HACD2: variants seen among roughly 807,000 people sequenced by gnomAD.
HACD2 encodes very-long-chain (3R)-3-hydroxyacyl-CoA dehydratase 2.
HACD2 carries 15 observed loss-of-function variants against 31.0 expected under a neutral mutation model. The observed-to-expected ratio is 0.48, with a 90% CI of 0.32 to 0.75. HACD2 has a LOEUF of 0.75. Ranked by LOEUF, HACD2 falls within the 30% of genes least tolerant of loss-of-function variation. HACD2 has a pLI of 0.03. For missense variants in HACD2, 283 were observed against 313.0 expected (o/e 0.90, Z 0.72); for synonymous variants, 115 against 122.2 (o/e 0.94, Z 0.39).
At chr3:123,516,965 G>A (rs1018736713) in intron 4 of HACD2, among the ~76,000 whole-genome samples, 6 of 152,196 alleles carry the variant, frequency 3.9e-5, no homozygotes, top group African/African-American at 1.2e-4. Context: ...CATGTCCTGA[G>A]GCAAGTTACT....
chr3:123,498,280 A>G (rs1422357978), intron 6 of HACD2, among the ~76,000 whole-genome samples: 1 of 152,252 alleles, frequency 6.6e-6, no homozygotes, highest in Non-Finnish European at 1.5e-5. Context: ...CTGCCTTAGA[A>G]AAAGAAATTA....
At position 123,540,993 on chromosome 3, in the gene HACD2, G is replaced by A. The variant is rs576121201; in HGVS notation, c.293-12519C>T. On this transcript the variant is annotated intron_variant, in intron 3 of 6. Transcript: ENST00000383657. ...CTTTTTCAAAAAGCTAAACCCAGCC[G>A]GGCACGATGGCTCATGTCTATAATC... Among the ~76,000 whole-genome samples, 51 of 152,060 alleles carry A rather than the reference G, an allele frequency of 3.4e-4. 1 individual carries two copies. In the South Asian group the frequency reaches 7.3e-3, roughly 22 times the overall value.
At chr3:123,501,877 G>C (rs574173563) in intron 5 of HACD2, among the ~76,000 whole-genome samples, 11 of 152,288 alleles carry the variant, frequency 7.2e-5, no homozygotes, top group African/African-American at 2.4e-4. Flanking sequence ...AAACACTCTA[G>C]GAACCACTGC....
At chr3:123,580,403 G>C (rs1239532647) in intron 2 of HACD2, among the ~76,000 whole-genome samples, 3 of 151,988 alleles carry the variant, frequency 2.0e-5, no homozygotes, top group African/African-American at 7.2e-5. Context: ...TGGGGCCTGG[G>C]AAGTCAAGGC....
At chr3:123,552,935 G>A (rs1225999639) in intron 3 of HACD2, among the ~76,000 whole-genome samples, 4 of 152,092 alleles carry the variant, frequency 2.6e-5, no homozygotes, top group Non-Finnish European at 4.4e-5. Context: ...GCAAAGAAGA[G>A]GGATCAGAGT....
At chr3:123,519,061 T>G (rs2107697504) in intron 4 of HACD2, among the ~76,000 whole-genome samples, 1 of 148,812 alleles carries the variant, frequency 6.7e-6, no homozygotes, top group East Asian at 2.0e-4. Flanking sequence ...TGCCAAAACC[T>G]GTCCTGCTAA....
intron 4 of HACD2, among the ~76,000 whole-genome samples, chr3:123,521,149 G>T (rs375263118): frequency 1.3e-5 from 2 of 152,214 alleles, no homozygotes; most frequent in African/African-American, 4.8e-5. Flanking sequence ...CAACAAGCTT[G>T]TCAAAAATTT....
intron 4 of HACD2, among the ~76,000 whole-genome samples, chr3:123,515,353 T>C (rs200529402): frequency 6.6e-6 from 1 of 152,204 alleles, no homozygotes; most frequent in East Asian, 1.9e-4. Flanking sequence ...CCTTTTCTCA[T>C]GTGTCTTACT....
At chr3:123,567,049 G>A (rs1166600345) in intron 3 of HACD2, among the ~76,000 whole-genome samples, 1 of 152,158 alleles carries the variant, frequency 6.6e-6, no homozygotes, top group Non-Finnish European at 1.5e-5. Context: ...GACTTTCAGT[G>A]CTTCTAAGTA....
intron 3 of HACD2, among the ~76,000 whole-genome samples, chr3:123,544,844 C>G (rs1046125374): frequency 6.6e-6 from 1 of 151,734 alleles, no homozygotes; most frequent in African/African-American, 2.4e-5. Context: ...GTAACACAGG[C>G]AGGAGGAATG....
At chr3:123,536,242 T>C (rs1303662583) in intron 3 of HACD2, among the ~76,000 whole-genome samples, 1 of 152,184 alleles carries the variant, frequency 6.6e-6, no homozygotes, top group Non-Finnish European at 1.5e-5. Flanking sequence ...TAGAAAAATG[T>C]GTAAAACAGA....
At chr3:123,515,932 A>AT (rs1320721458) in intron 4 of HACD2, among the ~76,000 whole-genome samples, 2 of 151,632 alleles carry the variant, frequency 1.3e-5, no homozygotes, top group African/African-American at 2.4e-5. Flanking sequence ...AAATTTTTGT[A>AT]TTTTTTTGGT....
chr3:123,583,095 T>C (rs1420970652), intron 1 of HACD2, among the ~76,000 whole-genome samples: 1 of 152,178 alleles, frequency 6.6e-6, no homozygotes, highest in Non-Finnish European at 1.5e-5. Context: ...CAATGGGGTG[T>C]GTGTGGTCTA....
intron 3 of HACD2, among the ~76,000 whole-genome samples, chr3:123,550,547 A>G (rs943245867): frequency 4.6e-5 from 7 of 152,226 alleles, no homozygotes; most frequent in African/African-American, 1.7e-4. Flanking sequence ...AAAGAGGTAG[A>G]CAGAGAAGCA....
At chr3:123,580,711 A>G (rs2056956423) in intron 2 of HACD2, among the ~76,000 whole-genome samples, 1 of 151,054 alleles carries the variant, frequency 6.6e-6, no homozygotes, top group Admixed American at 6.6e-5. Context: ...TGGTCCCAGG[A>G]GTTCAAGGCT....
At position 123,494,260 on chromosome 3, in the gene HACD2, T is replaced by C. The variant is rs530541673; in HGVS notation, c.*628A>G. Reference sequence around the variant, plus strand: ...TTAGTGGCAGGCAGTAATGACTCAATTGGAAACAAACAAAAGGGTTCTAAG... The same window carrying C: ...TTAGTGGCAGGCAGTAATGACTCAACTGGAAACAAACAAAAGGGTTCTAAG... On this transcript the variant is annotated 3_prime_UTR_variant, in exon 7 of 7. Transcript: ENST00000383657. 2.0e-5 allele frequency: 3 copies of C among 152,778 alleles called. No individual in the cohort carries two copies. Among genetic ancestry groups the C allele is most frequent in the Middle Eastern group, 6.3e-3 (2 of 318 alleles). The allele number at this position is 152,778 out of a possible 1,614,324, so 9.5% of individuals were successfully genotyped here.
intron 3 of HACD2, among the ~76,000 whole-genome samples, chr3:123,564,143 C>T (rs1464199244): frequency 1.3e-5 from 2 of 152,200 alleles, no homozygotes; most frequent in Non-Finnish European, 2.9e-5. Flanking sequence ...CCCTGACAGA[C>T]AGAATAGTGA....
chr3:123,513,789 C>T lies in HACD2; in HGVS notation c.382-11108G>A, dbSNP rs549588113. ...ATGGAGAAAAAATACATTGTTTGGA[C>T]GGTTCGTGGAATTTGAATGGAGCAT... On this transcript the variant is annotated intron_variant, in intron 4 of 6. Coordinates refer to ENST00000383657, the MANE Select transcript of HACD2 (RefSeq NM_198402.5). 1.8e-4 allele frequency among the ~76,000 whole-genome samples: 28 copies of T among 152,132 alleles called. No homozygotes were observed. In the South Asian group the frequency reaches 2.5e-3, roughly 14 times the overall value.
intron 3 of HACD2, among the ~76,000 whole-genome samples, chr3:123,554,789 G>C (rs1253659766): frequency 1.3e-5 from 2 of 152,096 alleles, no homozygotes; most frequent in African/African-American, 4.8e-5. Flanking sequence ...GGAAACAAAA[G>C]AAAGTAGAGG....
Sources: allele counts gnomAD v4.1 joint callset (sites outside exome capture counted in the v4.1 genomes callset), GRCh38; gene constraint gnomAD v4.1.1; transcripts MANE v1.5; gene names NCBI Gene and HGNC (gene_info 2026-07-23, HGNC 2026-07-21).